BCL2L11: variants seen among roughly 807,000 people sequenced by gnomAD.
The protein encoded by BCL2L11 is BCL2 like 11.
BCL2L11 carries 15 observed loss-of-function variants against 20.6 expected under a neutral mutation model. The ratio of observed to expected loss-of-function variants is 0.73; its 90% CI spans 0.49 to 1.12. The LOEUF (loss-of-function observed/expected upper bound fraction) is 1.12. Ranked by LOEUF, BCL2L11 falls within the 50% of genes most tolerant of loss-of-function variation. The pLI is 0.00. For missense variants in BCL2L11, 292 were observed against 260.9 expected (o/e 1.12, Z -0.82); for synonymous variants, 108 against 92.8 (o/e 1.16, Z -0.94).
At chr2:111,153,421 A>C (rs1432264378) in intron 3 of BCL2L11, among the ~76,000 whole-genome samples, 1 of 152,082 alleles carries the variant, frequency 6.6e-6, no homozygotes, top group African/African-American at 2.4e-5. Flanking sequence ...GTGGATAGTG[A>C]CACCGTGATC....
intron 1 of BCL2L11, chr2:111,122,636 G>T: frequency 2.0e-6 from 2 of 984,298 alleles, no homozygotes; most frequent in South Asian, 4.5e-5. Flanking sequence ...GCGAGGGGAG[G>T]AGCGGGAGGA....
intron 1 of BCL2L11, chr2:111,123,524 T>A: frequency 8.1e-6 from 8 of 985,436 alleles, no homozygotes; most frequent in Non-Finnish European, 9.6e-6. Flanking sequence ...TGTTACTGTA[T>A]TTTGTTTGGG....
rs1207269086 is a variant in BCL2L11 at position 111,163,992 on chromosome 2, T to TCTGGGAGGCATCTCTGGGAG, written c.499-141_499-140insCTGGGAGGCATCTCTGGGAG. 3 of 612,694 alleles carry TCTGGGAGGCATCTCTGGGAG rather than the reference T, an allele frequency of 4.9e-6. No homozygotes were observed. In the Admixed American group the frequency reaches 7.6e-5, roughly 16 times the overall value. 38.0% of individuals were successfully genotyped at this position (612,694 alleles called of 1,614,324 possible). A position where few individuals can be genotyped will look rare whatever the true frequency, so the allele number is the denominator to read the frequency against. ...TCTTCACAATCTCTGGGAGGCATCG[T>TCTGGGAGGCATCTCTGGGAG]GCTTTGTGACACAGTGCTCTTGAAG... On this transcript the variant is annotated intron_variant, in intron 3 of 3. Transcript: ENST00000393256.
At chr2:111,129,466 A>T (rs2073436223) in intron 2 of BCL2L11, among the ~76,000 whole-genome samples, 1 of 152,212 alleles carries the variant, frequency 6.6e-6, no homozygotes. Flanking sequence ...ATAATTACAG[A>T]TTCACATGCA....
Position 111,150,141 on chromosome 2 carries a change from A to C in BCL2L11, c.492A>C (p.Ala164=), listed in dbSNP as rs2077074555. The change falls in exon 3 of 4, where the codon GCA becomes GCC. Residue 164 remains alanine (A), a synonymous_variant. Transcript: ENST00000393256. The part of the protein sequence containing the change: ...RIGDEFNAYY[A]RRVFLNNYQA... ...GAGACGAGTTTAACGCTTACTATGC[A>C]AGGAGGGTAATGATGTTTTCTTTAC... The C allele has an allele frequency of 6.2e-7, 1 of 1,613,652 alleles. No individual in the cohort carries two copies. Among genetic ancestry groups the C allele is most frequent in the Non-Finnish European group, 8.5e-7 (1 of 1,179,684 alleles).
chr2:111,121,286 T>A (rs2150111772), intron 1 of BCL2L11, 98 bp downstream of exon 1: 1 of 181,784 alleles, frequency 5.5e-6, no homozygotes, highest in East Asian at 1.3e-4. Flanking sequence ...CCCGTGCACG[T>A]GCGAGCGGAG....
intron 3 of BCL2L11, among the ~76,000 whole-genome samples, chr2:111,161,803 A>G (rs2078586318): frequency 2.0e-5 from 3 of 152,182 alleles, no homozygotes; most frequent in Non-Finnish European, 4.4e-5. Context: ...TAATTGCTTC[A>G]GACTCCCTCC....
rs2070783106 is a variant in BCL2L11 at position 111,121,013 on chromosome 2, GCCGCCGCCACTACCA to G, written c.-186_-172del. On this transcript the variant is annotated 5_prime_UTR_variant, in exon 1 of 4. Transcript: ENST00000393256. Reference sequence around the variant, plus strand: ...CGCCGCCGCCGCCGCCGCCGCCGCCGCCGCCGCCACTACCACCACTTGATTCTTGCAGCCACCCTG... The same window carrying G: ...CGCCGCCGCCGCCGCCGCCGCCGCCGCCACTTGATTCTTGCAGCCACCCTG... 2.5e-6 allele frequency: 1 copy of G among 392,474 alleles called. No individual in the cohort carries two copies. Among genetic ancestry groups the G allele is most frequent in the Admixed American group, 4.8e-5 (1 of 20,964 alleles). 24.3% of individuals were successfully genotyped at this position (392,474 alleles called of 1,614,324 possible). A position where few individuals can be genotyped will look rare whatever the true frequency, so the allele number is the denominator to read the frequency against.
In BCL2L11 at chr2:111,123,926, C is replaced by G. The variant is rs1231694662; in HGVS notation, c.181C>G (p.Gln61Glu). The change falls in exon 2 of 4, where the codon CAG becomes GAG. Residue 61 changes from glutamine (Q) to glutamate (E), a missense_variant. Coordinates refer to ENST00000393256, the MANE Select transcript of BCL2L11 (RefSeq NM_138621.5). ...GGACAGCTGCCCCCACGGCAGCCCT[C>G]AGGGCCCGCTGGCCCCACCTGCCAG... Reference protein sequence around the residue: ...EGDSCPHGSPQGPLAPPASPG... With the variant: ...EGDSCPHGSPEGPLAPPASPG... The G allele has an allele frequency of 1.9e-6, 3 of 1,613,820 alleles. No individual in the cohort carries two copies. The highest frequency in any genetic ancestry group is 2.5e-6 in the Non-Finnish European group (3 of 1,179,874).
chr2:111,125,765 C>A (rs1352451035), intron 2 of BCL2L11, among the ~76,000 whole-genome samples: 1 of 152,090 alleles, frequency 6.6e-6, no homozygotes, highest in African/African-American at 2.4e-5. Flanking sequence ...TTGCCAAATG[C>A]CAGGAGGTAA....
In BCL2L11 at chr2:111,150,974, A is replaced by T. The variant is rs796474048; in HGVS notation, c.498+827A>T. ...GGCTGAAGTGCAGTGGCGCAATCCC[A>T]GCTCACTGCAACCTCCGCCTCCCAG... is the stretch of plus-strand genomic sequence containing the variant. On this transcript the variant is annotated intron_variant, in intron 3 of 3. Coordinates refer to ENST00000393256, the MANE Select transcript of BCL2L11 (RefSeq NM_138621.5). Among the ~76,000 whole-genome samples, 52 of 152,222 alleles carry T rather than the reference A, an allele frequency of 3.4e-4. 1 individual carries two copies. The highest frequency in any genetic ancestry group is 1.2e-3 in the African/African-American group (49 of 41,558).
At chr2:111,136,124 A>G (rs1016824105) in intron 2 of BCL2L11, among the ~76,000 whole-genome samples, 4 of 152,174 alleles carry the variant, frequency 2.6e-5, no homozygotes, top group African/African-American at 9.6e-5. Context: ...AGAGTAGGGC[A>G]GGAGTCATGG....
At chr2:111,147,089 C>CT (rs2076618467) in intron 2 of BCL2L11, among the ~76,000 whole-genome samples, 1 of 152,126 alleles carries the variant, frequency 6.6e-6, no homozygotes, top group African/African-American at 2.4e-5. Context: ...CTTTTTAAAA[C>CT]TACACCTAAG....
At chr2:111,124,252 C>A in intron 2 of BCL2L11, 113 bp downstream of exon 2, 2 of 1,230,844 alleles carry the variant, frequency 1.6e-6, no homozygotes, top group Non-Finnish European at 2.2e-6. Flanking sequence ...TTTATTCCAT[C>A]TTTAGATGGG....
At chr2:111,145,313 A>G (rs1448812169) in intron 2 of BCL2L11, among the ~76,000 whole-genome samples, 1 of 152,176 alleles carries the variant, frequency 6.6e-6, no homozygotes, top group Non-Finnish European at 1.5e-5. Context: ...GAGTCATTAG[A>G]TGTCACTTTA....
At chr2:111,144,297 C>A (rs568434528) in intron 2 of BCL2L11, among the ~76,000 whole-genome samples, 3 of 152,024 alleles carry the variant, frequency 2.0e-5, no homozygotes, top group Non-Finnish European at 4.4e-5. Flanking sequence ...AGTGGCTCAG[C>A]GGAATTGATT....
intron 2 of BCL2L11, among the ~76,000 whole-genome samples, chr2:111,138,027 T>A (rs1309824900): frequency 6.6e-6 from 1 of 150,598 alleles, no homozygotes; most frequent in Non-Finnish European, 1.5e-5. Context: ...TTTTTTTTTT[T>A]TGAGATAGAA....
intron 2 of BCL2L11, among the ~76,000 whole-genome samples, chr2:111,143,327 G>T (rs75543804): frequency 0.027 from 4,164 of 152,222 alleles, 99 homozygotes; most frequent in East Asian, 0.12. Context: ...TCAGAGCAGC[G>T]ATTTCAGGAG....
At chr2:111,122,587 C>T (rs1022545459) in intron 1 of BCL2L11, 2 of 983,310 alleles carry the variant, frequency 2.0e-6, no homozygotes, top group Non-Finnish European at 2.4e-6. Context: ...GCCAGCGGCG[C>T]GGGGAGGTCG....
Sources: gnomAD v4.1 joint callset for allele counts (sites outside exome capture counted in the v4.1 genomes callset) on GRCh38, gnomAD v4.1.1 for gene constraint, MANE v1.5 for transcripts, NCBI Gene and HGNC (gene_info 2026-07-23, HGNC 2026-07-21) for gene names.